The following DTNA variants were observed in gnomAD, a reference collection of about 807,000 sequenced individuals.
DTNA encodes the protein dystrobrevin alpha.
DTNA carries 43 observed loss-of-function variants against 100.7 expected under a neutral mutation model. That is an observed-to-expected ratio of 0.43 (90% CI 0.33 to 0.55). DTNA has a LOEUF of 0.55. Among genes scored for constraint, DTNA ranks in the 20% least tolerant of loss-of-function variants. DTNA has a pLI of 0.04. For synonymous variants in DTNA, 349 were observed against 347.9 expected (o/e 1.00, Z -0.04); for missense variants, 798 against 953.9 (o/e 0.84, Z 2.15).
intron 8 of DTNA, 88 bp from the exon 9 acceptor site, chr18:34,820,703 T>A (rs2095693038): frequency 6.3e-7 from 1 of 1,590,536 alleles, no homozygotes; most frequent in South Asian, 1.1e-5. Flanking sequence ...CTTCCGTAAA[T>A]GAATATCTAT....
chr18:34,698,387 T>C (rs1483711278), intron 1 of DTNA, among the ~76,000 whole-genome samples: 1 of 152,142 alleles, frequency 6.6e-6, no homozygotes, highest in Non-Finnish European at 1.5e-5. Context: ...TGCGGAAGAA[T>C]CCCCCCTTGC....
chr18:34,690,756 A>G (rs2079633685), intron 1 of DTNA, among the ~76,000 whole-genome samples: 1 of 152,196 alleles, frequency 6.6e-6, no homozygotes, highest in African/African-American at 2.4e-5. Context: ...CTGGAAACTA[A>G]CACAGTGCTT....
chr18:34,495,031 A>G (rs890788595), intron 1 of DTNA, among the ~76,000 whole-genome samples: 1 of 152,198 alleles, frequency 6.6e-6, no homozygotes, highest in African/African-American at 2.4e-5. Flanking sequence ...TTATTAAACA[A>G]CTTTTGCAGG....
intron 1 of DTNA, among the ~76,000 whole-genome samples, chr18:34,586,025 G>T (rs2049099550): frequency 2.0e-5 from 3 of 152,210 alleles, no homozygotes; most frequent in Non-Finnish European, 1.5e-5. Context: ...CCTCATGGAG[G>T]AGGGGGCTGA....
intron 16 of DTNA, among the ~76,000 whole-genome samples, chr18:34,861,318 T>C (rs2096622421): frequency 6.6e-6 from 1 of 151,666 alleles, no homozygotes. Context: ...ACCCCGTCTC[T>C]ACTAAAAATA....
At chr18:34,847,351 A>G (rs985730506) in intron 13 of DTNA, among the ~76,000 whole-genome samples, 1 of 152,228 alleles carries the variant, frequency 6.6e-6, no homozygotes, top group African/African-American at 2.4e-5. Context: ...GAAAGTAAAT[A>G]TAAAAGGCAG....
At chr18:34,686,072 T>A (rs34155816) in intron 1 of DTNA, among the ~76,000 whole-genome samples, 7,420 of 152,316 alleles carry the variant, frequency 0.049, 288 homozygotes, top group Non-Finnish European at 0.076. Context: ...TATACAATCA[T>A]GTCATCTGCA....
intron 3 of DTNA, 29 bp from the exon 4 acceptor site, chr18:34,794,008 C>G: frequency 6.2e-7 from 1 of 1,607,738 alleles, no homozygotes; most frequent in Non-Finnish European, 8.5e-7. Flanking sequence ...TTACTTTGGG[C>G]TGATGTGTTA....
intron 1 of DTNA, among the ~76,000 whole-genome samples, chr18:34,621,682 G>A (rs1291128491): frequency 6.6e-6 from 1 of 152,134 alleles, no homozygotes; most frequent in African/African-American, 2.4e-5. Flanking sequence ...GGAAGAGACT[G>A]GGGAGATGTT....
chr18:34,506,598 C>T (rs1186336194), intron 1 of DTNA, among the ~76,000 whole-genome samples: 1 of 152,168 alleles, frequency 6.6e-6, no homozygotes, highest in African/African-American at 2.4e-5. Context: ...TATGATGCTC[C>T]TTTCCTGTTC....
intron 1 of DTNA, among the ~76,000 whole-genome samples, chr18:34,512,653 G>A (rs1204367317): frequency 1.3e-5 from 2 of 152,042 alleles, no homozygotes; most frequent in African/African-American, 4.8e-5. Flanking sequence ...CACAATGGTG[G>A]TGGTGTTACT....
At chr18:34,580,134 C>A (rs867792703) in intron 1 of DTNA, among the ~76,000 whole-genome samples, 14 of 152,106 alleles carry the variant, frequency 9.2e-5, no homozygotes, top group African/African-American at 3.4e-4. Context: ...ATTTATTATA[C>A]ATAATTTTTA....
chr18:34,517,819 G>A (rs2041798501), intron 1 of DTNA, among the ~76,000 whole-genome samples: 1 of 151,992 alleles, frequency 6.6e-6, no homozygotes, highest in Non-Finnish European at 1.5e-5. Flanking sequence ...CCAAGGTATG[G>A]ATATACCACA....
intron 1 of DTNA, among the ~76,000 whole-genome samples, chr18:34,617,838 G>C (rs947709143): frequency 6.6e-6 from 1 of 152,126 alleles, no homozygotes; most frequent in Non-Finnish European, 1.5e-5. Flanking sequence ...TAACTTTTGT[G>C]TGCACTGGGA....
intron 1 of DTNA, among the ~76,000 whole-genome samples, chr18:34,714,937 C>T (rs1272204256): frequency 1.3e-5 from 2 of 151,928 alleles, no homozygotes; most frequent in African/African-American, 2.4e-5. Context: ...AATCATCACT[C>T]TCAGTAAACT....
intron 8 of DTNA, 189 bp downstream of exon 8, chr18:34,818,519 T>G: frequency 6.8e-7 from 1 of 1,474,954 alleles, no homozygotes; most frequent in East Asian, 2.5e-5. Flanking sequence ...GAACCCAGTG[T>G]AGCTTCCTGA....
chr18:34,542,314 T>C (rs891886647), intron 1 of DTNA, among the ~76,000 whole-genome samples: 11 of 152,082 alleles, frequency 7.2e-5, no homozygotes, highest in African/African-American at 2.7e-4. Context: ...ACAGTCCAAC[T>C]TCAAATTGCT....
At chr18:34,571,501 G>A (rs888864293) in intron 1 of DTNA, among the ~76,000 whole-genome samples, 32 of 152,068 alleles carry the variant, frequency 2.1e-4, no homozygotes, top group African/African-American at 7.7e-4. Context: ...ATCACTTTGG[G>A]AGGCTGAAGC....
intron 11 of DTNA, among the ~76,000 whole-genome samples, chr18:34,830,619 A>T (rs2095985127): frequency 6.6e-6 from 1 of 152,192 alleles, no homozygotes; most frequent in Non-Finnish European, 1.5e-5. Flanking sequence ...TTAAAAGAAA[A>T]AAAAAGCGAT....
Sources: allele counts gnomAD v4.1 joint callset (sites outside exome capture counted in the v4.1 genomes callset), GRCh38; gene constraint gnomAD v4.1.1; transcripts MANE v1.5; gene names NCBI Gene and HGNC (gene_info 2026-07-23, HGNC 2026-07-21).